Variants in STK32B observed in about 807,000 individuals in gnomAD.
STK32B encodes serine/threonine-protein kinase 32B.
In STK32B, 43 loss-of-function variants were observed where a neutral mutation model predicts 52.6. That is an observed-to-expected ratio of 0.82 (90% CI 0.64 to 1.05). The LOEUF (loss-of-function observed/expected upper bound fraction) is 1.05, where lower values mean the gene tolerates loss of function less well. Among genes scored for constraint, STK32B ranks in the 50% least tolerant of loss-of-function variants. STK32B has a pLI of 0.00. For synonymous variants in STK32B, 238 were observed against 204.3 expected (o/e 1.17, Z -1.41); for missense variants, 621 against 534.6 (o/e 1.16, Z -1.59).
intron 3 of STK32B, among the ~76,000 whole-genome samples, chr4:5,315,669 T>A (rs1258040630): frequency 1.6e-5 from 2 of 125,272 alleles, no homozygotes; most frequent in African/African-American, 9.9e-5. Flanking sequence ...GAGTATTTTT[T>A]CTTTTTCTTT....
chr4:5,391,497 A>C (rs1736595254), intron 4 of STK32B, among the ~76,000 whole-genome samples: 1 of 152,208 alleles, frequency 6.6e-6, no homozygotes, highest in Non-Finnish European at 1.5e-5. Flanking sequence ...AACCCTTGAC[A>C]ATATCCCAGG....
intron 3 of STK32B, among the ~76,000 whole-genome samples, chr4:5,317,091 A>ATG (rs1712837220): frequency 1.9e-5 from 1 of 51,516 alleles, no homozygotes; most frequent in South Asian, 6.4e-4. Flanking sequence ...TATATATAAT[A>ATG]TATATGATAT....
intron 1 of STK32B, among the ~76,000 whole-genome samples, chr4:5,053,539 G>A (rs988781967): frequency 2.6e-5 from 4 of 152,042 alleles, no homozygotes; most frequent in Non-Finnish European, 4.4e-5. Flanking sequence ...ATTGAAAACC[G>A]TCTCTGTCAT....
At chr4:5,040,478 C>A in the STK32B span, among the ~76,000 whole-genome samples, 1 of 150,902 alleles carries the variant, frequency 6.6e-6, no homozygotes, top group African/African-American at 2.4e-5. Flanking sequence ...ACTGCAACCT[C>A]CGCCTCCTGG....
At position 5,466,839 on chromosome 4, in the gene STK32B, G is replaced by A. The variant is rs1717477811; in HGVS notation, c.1041+5G>A. 6.2e-7 allele frequency: 1 copy of A among 1,612,262 alleles called. No homozygotes were observed. Among genetic ancestry groups the A allele is most frequent in the Admixed American group, 1.7e-5 (1 of 59,734 alleles). Reference sequence around the variant, plus strand: ...ACAAAGGACAGCTGCCCGCTGGTGAGTGCTTCGTGGGAGCCGTTCCGGGAG... The same window carrying A: ...ACAAAGGACAGCTGCCCGCTGGTGAATGCTTCGTGGGAGCCGTTCCGGGAG... On this transcript the variant is annotated splice_donor_5th_base_variant and intron_variant, in intron 10 of 11. Transcript: ENST00000282908.
intron 3 of STK32B, among the ~76,000 whole-genome samples, chr4:5,291,084 C>T (rs7689177): frequency 2.0e-5 from 3 of 151,856 alleles, no homozygotes; most frequent in Admixed American, 2.0e-4. Flanking sequence ...ACACTGTCTT[C>T]GTTACTATAA....
At chr4:5,494,554 T>G (rs1720047802) in intron 11 of STK32B, among the ~76,000 whole-genome samples, 2 of 152,220 alleles carry the variant, frequency 1.3e-5, no homozygotes, top group Non-Finnish European at 2.9e-5. Flanking sequence ...GTCTTTTAAT[T>G]GGAGCATTTA....
intron 2 of STK32B, among the ~76,000 whole-genome samples, chr4:5,158,091 A>C (rs1718011114): frequency 6.6e-6 from 1 of 152,200 alleles, no homozygotes; most frequent in Admixed American, 6.5e-5. Flanking sequence ...ATGCAGGCTC[A>C]CTCATGAATG....
At chr4:5,160,131 G>A (rs1421167172) in intron 2 of STK32B, among the ~76,000 whole-genome samples, 1 of 152,100 alleles carries the variant, frequency 6.6e-6, no homozygotes, top group African/African-American at 2.4e-5. Context: ...TGGGCACCAT[G>A]GTGCAGCCCA....
chr4:5,419,131 G>A (rs1192274887), intron 6 of STK32B, among the ~76,000 whole-genome samples: 3 of 152,206 alleles, frequency 2.0e-5, no homozygotes, highest in Non-Finnish European at 4.4e-5. Flanking sequence ...CAGCAAGAGA[G>A]AGGGGTAGAA....
At chr4:5,311,915 T>TATATA (rs1228362253) in intron 3 of STK32B, among the ~76,000 whole-genome samples, 91 of 135,492 alleles carry the variant, frequency 6.7e-4, no homozygotes, top group African/African-American at 2.6e-3. Context: ...TATATATATA[T>TATATA]TTTTTTTTAA....
chr4:5,114,666 T>C (rs1032498609), intron 1 of STK32B, among the ~76,000 whole-genome samples: 6 of 152,150 alleles, frequency 3.9e-5, no homozygotes, highest in African/African-American at 1.4e-4. Context: ...ATAACTTACT[T>C]TTGTTCAGTT....
chr4:5,134,806 C>T (rs1237478585), intron 1 of STK32B, among the ~76,000 whole-genome samples: 1 of 152,200 alleles, frequency 6.6e-6, no homozygotes, highest in Admixed American at 6.5e-5. Context: ...GCTTGATGCC[C>T]ACAGTGCTTA....
At chr4:5,161,654 G>A (rs973829451) in intron 2 of STK32B, among the ~76,000 whole-genome samples, 3 of 152,102 alleles carry the variant, frequency 2.0e-5, no homozygotes, top group Non-Finnish European at 2.9e-5. Context: ...TGTATAGAAC[G>A]GATCACATTG....
At chr4:5,465,620 ACT>A (rs1450090003) in intron 9 of STK32B, among the ~76,000 whole-genome samples, 1 of 151,742 alleles carries the variant, frequency 6.6e-6, no homozygotes, top group Non-Finnish European at 1.5e-5. Context: ...AGCTTGGCAA[ACT>A]CTTATCATCT....
chr4:5,444,710 C>A (rs183203476), intron 6 of STK32B, among the ~76,000 whole-genome samples: 151 of 152,314 alleles, frequency 9.9e-4, no homozygotes, highest in Non-Finnish European at 1.9e-3. Flanking sequence ...GGCCAGGCAT[C>A]CTGCTAAACT....
rs1720549704 is a variant in STK32B, at chr4:5,499,242, C to T, written c.*159C>T. The stretch of plus-strand genomic sequence containing the variant: ...TGGGAAGCCTGGGTTCTGGTCCCAT[C>T]TCCATGACTGATTCACGTGTGACCT... On this transcript the variant is annotated 3_prime_UTR_variant, in exon 12 of 12. Coordinates refer to ENST00000282908, the MANE Select transcript of STK32B (RefSeq NM_018401.3). The T allele has an allele frequency of 3.0e-6, 3 of 1,007,492 alleles. No individual in the cohort carries two copies. Among genetic ancestry groups the T allele is most frequent in the Non-Finnish European group, 2.7e-6 (2 of 733,484 alleles). 62.4% of individuals were successfully genotyped at this position (1,007,492 alleles called of 1,614,324 possible).
intron 3 of STK32B, among the ~76,000 whole-genome samples, chr4:5,235,841 GAC>G (rs985262032): frequency 2.8e-4 from 43 of 152,342 alleles, no homozygotes; most frequent in African/African-American, 1.0e-3. Flanking sequence ...CAGAAGTGAG[GAC>G]AGAGAAGCCT....
chr4:5,244,063 A>G (rs1230551671), intron 3 of STK32B, among the ~76,000 whole-genome samples: 2 of 151,922 alleles, frequency 1.3e-5, no homozygotes, highest in African/African-American at 2.4e-5. Context: ...GTCTCTGCTC[A>G]GCTTTGGTAT....
Sources: gnomAD v4.1 joint callset for allele counts (sites outside exome capture counted in the v4.1 genomes callset) on GRCh38, gnomAD v4.1.1 for gene constraint, MANE v1.5 for transcripts, NCBI Gene and HGNC (gene_info 2026-07-23, HGNC 2026-07-21) for gene names.